NSF: variants seen among roughly 807,000 people sequenced by gnomAD.
The protein encoded by NSF is vesicle-fusing ATPase.
Under a neutral mutation model 50.3 loss-of-function variants are expected in NSF, and 14 were observed. The observed-to-expected ratio is 0.28, with a 90% CI of 0.18 to 0.44. The LOEUF is 0.44. NSF is among the 20% of genes least tolerant of loss of function. The pLI is 1.00. For missense variants in NSF, 218 were observed against 504.3 expected (o/e 0.43, Z 5.44); for synonymous variants, 109 against 175.7 (o/e 0.62, Z 3.00).
At position 46,755,305 on chromosome 17, in the gene NSF, T is replaced by C; in HGVS notation, c.2158-9T>C. The C allele has an allele frequency of 1.9e-6, 3 of 1,609,612 alleles. No individual in the cohort carries two copies. Among genetic ancestry groups the C allele is most frequent in the Non-Finnish European group, 2.6e-6 (3 of 1,175,824 alleles). ...ATTAACCCATCTTCATTTCTTCTGA[T>C]GTATTTAGATGGATCCTGAATACCG... On this transcript the variant is annotated splice_polypyrimidine_tract_variant and intron_variant, in intron 19 of 20. Transcript: ENST00000398238.
chr17:46,755,367 A>T lies in NSF; in HGVS notation c.2211A>T (p.Gly737=). ...RKFLALLREE[G]ASPLDFD ...TCTTGGCCCTCTTAAGAGAAGAAGG[A>T]GCGTAAGTACATACAACATTTAATG... The change falls in exon 20 of 21, where the codon GGA becomes GGT. Residue 737 remains glycine, a splice_region_variant and synonymous_variant. Coordinates refer to ENST00000398238, the MANE Select transcript of NSF (RefSeq NM_006178.4). The T allele has an allele frequency of 6.2e-7, 1 of 1,612,490 alleles. No individual in the cohort carries two copies. The highest frequency in any genetic ancestry group is 8.5e-7 in the Non-Finnish European group (1 of 1,178,428).
intron 10 of NSF, among the ~76,000 whole-genome samples, chr17:46,693,530 A>AT (rs1228596460): frequency 6.7e-6 from 1 of 149,552 alleles, no homozygotes; most frequent in African/African-American, 2.5e-5. Flanking sequence ...AAAAAAAAAA[A>AT]CACCCTGCTG....
chr17:46,731,243 CA>C (rs2058945941), intron 17 of NSF, among the ~76,000 whole-genome samples: 1 of 152,064 alleles, frequency 6.6e-6, no homozygotes, highest in African/African-American at 2.4e-5. Flanking sequence ...AAAAAGACCA[CA>C]TATTGGATGA....
intron 16 of NSF, 50 bp downstream of exon 16, chr17:46,726,665 T>A (rs2058892922): frequency 6.8e-7 from 1 of 1,475,722 alleles, no homozygotes; most frequent in African/African-American, 1.4e-5. Flanking sequence ...TTACAGCTAA[T>A]ATCTCAAAAG....
chr17:46,735,595 A>C (rs904641032), intron 17 of NSF, among the ~76,000 whole-genome samples: 2 of 151,932 alleles, frequency 1.3e-5, no homozygotes, highest in African/African-American at 4.8e-5. Context: ...TGTGTTACCT[A>C]CTCTGTTGAG....
At chr17:46,744,806 A>G (rs2059111128) in intron 17 of NSF, among the ~76,000 whole-genome samples, 1 of 152,164 alleles carries the variant, frequency 6.6e-6, no homozygotes, top group African/African-American at 2.4e-5. Flanking sequence ...TTGAAGGATC[A>G]ACACCTGACT....
intron 18 of NSF, 101 bp downstream of exon 18, chr17:46,750,008 C>A: frequency 7.6e-7 from 1 of 1,322,950 alleles, no homozygotes; most frequent in Non-Finnish European, 1.1e-6. Context: ...TTATGCTAAT[C>A]TGGAACATGG....
intron 15 of NSF, among the ~76,000 whole-genome samples, chr17:46,718,841 T>C (rs1568044086): frequency 6.6e-6 from 1 of 152,232 alleles, no homozygotes; most frequent in Non-Finnish European, 1.5e-5. Flanking sequence ...GTGTAGTGGT[T>C]ATTTTTACTT....
chr17:46,746,186 G>C (rs2059126142), intron 17 of NSF, among the ~76,000 whole-genome samples: 2 of 152,162 alleles, frequency 1.3e-5, no homozygotes, highest in Admixed American at 1.3e-4. Context: ...ATAAGCATTT[G>C]ATTTTTTCCT....
intron 17 of NSF, among the ~76,000 whole-genome samples, chr17:46,741,975 C>T (rs960302605): frequency 2.0e-5 from 3 of 152,174 alleles, no homozygotes; most frequent in African/African-American, 7.2e-5. Context: ...AGGCTAGTCT[C>T]CAACTCCTGA....
chr17:46,726,135 T>C (rs1379129228), intron 15 of NSF, among the ~76,000 whole-genome samples: 3 of 152,354 alleles, frequency 2.0e-5, no homozygotes, highest in Middle Eastern at 3.4e-3. Context: ...TCTTTCAGTG[T>C]TACTTTTGCT....
chr17:46,729,701 CTG>C (rs1208806839), intron 17 of NSF, among the ~76,000 whole-genome samples: 3 of 152,098 alleles, frequency 2.0e-5, no homozygotes, highest in Non-Finnish European at 4.4e-5. Context: ...ATCTTAATGT[CTG>C]TATGAGAATC....
chr17:46,751,546 A>C lies in NSF; in HGVS notation c.2087A>C (p.Gln696Pro). The C allele has an allele frequency of 1.9e-6, 3 of 1,614,128 alleles. No homozygotes were observed. The highest frequency in any genetic ancestry group is 2.5e-6 in the Non-Finnish European group (3 of 1,179,990). Residue 696 changes from glutamine to proline, a missense_variant, in exon 19 of 21, where the codon CAG (glutamine) becomes CCG (proline). Physicochemically the swap from Gln to Pro is moderately conservative, Grantham distance 76 (BLOSUM62 -1). This residue lies in a region of NSF where 209 missense variants were observed against 320.9 expected (regional missense o/e 0.65). Coordinates refer to ENST00000398238, the MANE Select transcript of NSF (RefSeq NM_006178.4). Reference protein sequence around the residue: ...FKDKERTTIAQQVKGKKVWIG... With the variant: ...FKDKERTTIAPQVKGKKVWIG... The stretch of plus-strand genomic sequence containing the variant: ...GATAAGGAACGCACCACAATTGCAC[A>C]GCAAGTCAAAGGGAAGAAGGTCTGG...
chr17:46,749,620 C>G (rs2059162694), intron 17 of NSF, among the ~76,000 whole-genome samples, 153 bp from the exon 18 acceptor site: 1 of 152,168 alleles, frequency 6.6e-6, no homozygotes. Flanking sequence ...TCAGGATTTT[C>G]AGGAAAATCC....
chr17:46,737,390 C>T (rs563739663), intron 17 of NSF, among the ~76,000 whole-genome samples: 1 of 152,284 alleles, frequency 6.6e-6, no homozygotes, highest in Admixed American at 6.5e-5. Context: ...TTAGCATCAG[C>T]ATATCCCATA....
chr17:46,609,811 G>A (rs563867471), intron 1 of NSF, among the ~76,000 whole-genome samples: 1 of 140,476 alleles, frequency 7.1e-6, no homozygotes, highest in African/African-American at 2.6e-5. Flanking sequence ...TAATATTCTC[G>A]GGTGTCTCAC....
intron 8 of NSF, among the ~76,000 whole-genome samples, chr17:46,668,811 TA>T (rs949906928): frequency 7.2e-6 from 1 of 138,758 alleles, no homozygotes; most frequent in East Asian, 3.6e-4. Flanking sequence ...ACCCTGTCTC[TA>T]AAAAAGTACT....
rs545055767 is a variant in NSF, at chr17:46,610,041, C to CTCTCTGTCTT, written c.13-14200_13-14199insCTGTCTTTCT. On this transcript the variant is annotated intron_variant, in intron 1 of 20. Transcript: ENST00000398238. ...TCTTTCTTTCTTTCTCTCTCTCTCT[C>CTCTCTGTCTT]TCTTTCTTTCTTTCTTTCTTTCTTT... Among the ~76,000 whole-genome samples, 6 of 118,656 alleles carry CTCTCTGTCTT rather than the reference C, an allele frequency of 5.1e-5. 1 individual carries two copies. The East Asian group carries it at 1.2e-3, about 25-fold the overall frequency. The allele number at this position is 118,656 out of a possible 152,430, so 77.8% of individuals were successfully genotyped here.
chr17:46,750,758 A>G (rs937532851), intron 18 of NSF, among the ~76,000 whole-genome samples: 2 of 152,164 alleles, frequency 1.3e-5, no homozygotes, highest in African/African-American at 4.8e-5. Flanking sequence ...TAATCACTGT[A>G]TAGAAAAATT....
Sources: gnomAD v4.1 joint callset for allele counts (sites outside exome capture counted in the v4.1 genomes callset) on GRCh38, gnomAD v4.1.1 for gene constraint, gnomAD v4.1.1 regional missense constraint, MANE v1.5 for transcripts, NCBI Gene and HGNC (gene_info 2026-07-23, HGNC 2026-07-21) for gene names.